AIFM2: variants seen among roughly 807,000 people sequenced by gnomAD.
AIFM2 encodes the protein ferroptosis suppressor protein 1.
In AIFM2, 38 loss-of-function variants were observed where a neutral mutation model predicts 35.7. That is an observed-to-expected ratio of 1.06 (90% CI 0.82 to 1.39). The LOEUF (loss-of-function observed/expected upper bound fraction) is 1.39, where lower values mean the gene tolerates loss of function less well. Among genes scored for constraint, AIFM2 ranks in the 40% most tolerant of loss-of-function variants. The pLI, the probability that AIFM2 is intolerant of heterozygous loss-of-function variation, is 0.00. For missense variants in AIFM2, 476 were observed against 491.2 expected (o/e 0.97, Z 0.29); for synonymous variants, 185 against 203.5 (o/e 0.91, Z 0.77).
intron 3 of AIFM2, 108 bp downstream of exon 3, chr10:70,123,297 G>A (rs966002719): frequency 1.1e-6 from 1 of 927,600 alleles, no homozygotes; most frequent in Non-Finnish European, 1.6e-6. Flanking sequence ...GAGATTACAG[G>A]TGTGAGCCAC....
At chr10:70,116,382 C>T (rs2072435909) in intron 7 of AIFM2, among the ~76,000 whole-genome samples, 4 of 152,228 alleles carry the variant, frequency 2.6e-5, no homozygotes. Flanking sequence ...TCTCTTACCA[C>T]TAGGGGGCGG....
At chr10:70,115,701 G>A (rs1490420275) in intron 7 of AIFM2, among the ~76,000 whole-genome samples, 1 of 152,194 alleles carries the variant, frequency 6.6e-6, no homozygotes, top group African/African-American at 2.4e-5. Flanking sequence ...AGGAGGTGGA[G>A]GTTGCAGTGA....
intron 7 of AIFM2, among the ~76,000 whole-genome samples, chr10:70,116,135 C>G (rs2072432781): frequency 6.6e-6 from 1 of 152,202 alleles, no homozygotes; most frequent in Non-Finnish European, 1.5e-5. Flanking sequence ...CATCAGTCCA[C>G]CTCTGCCACC....
intron 4 of AIFM2, 149 bp downstream of exon 4, chr10:70,120,943 G>T: frequency 7.2e-7 from 1 of 1,380,618 alleles, no homozygotes; most frequent in Non-Finnish European, 9.7e-7. Context: ...TCTCTTCCCA[G>T]GAAAGTCTCT....
In AIFM2 at chr10:70,117,964, T is replaced by G. The variant is rs1397729492; in HGVS notation, c.508-44A>C. The G allele has an allele frequency of 7.0e-7, 1 of 1,418,998 alleles. No individual in the cohort carries two copies. The highest frequency in any genetic ancestry group is 9.9e-7 in the Non-Finnish European group (1 of 1,011,454). The allele number at this position is 1,418,998 out of a possible 1,614,324, so 87.9% of individuals were successfully genotyped here. A position where few individuals can be genotyped will look rare whatever the true frequency, so the allele number is the denominator to read the frequency against. On this transcript the variant is annotated intron_variant, in intron 5 of 8. Transcript: ENST00000307864. This position sits in a 1 kb window ranked among gnomAD's most constrained non-coding sequence, Gnocchi z 4.7. The stretch of plus-strand genomic sequence containing the variant: ...CAGGGCCTGAGAAGGAGCCCCCAAG[T>G]CTTCAAACACAATCATTGCACGAAC...
chr10:70,116,886 G>T, intron 6 of AIFM2, 112 bp from the exon 7 acceptor site: 1 of 1,294,702 alleles, frequency 7.7e-7, no homozygotes, highest in Non-Finnish European at 1.1e-6. Context: ...GCCCAACTGG[G>T]CAATGGCTGC....
rs184780870 is a variant in AIFM2 at position 70,128,906 on chromosome 10, T to C, written c.-14+3828A>G. ...ATGTTTTCAAGGTTCATCCAAGTTG[T>C]AGCATGGATCAGTGCTTCATACCAC... On this transcript the variant is annotated intron_variant, in intron 1 of 8. Coordinates refer to ENST00000307864, the MANE Select transcript of AIFM2 (RefSeq NM_032797.6). Among the ~76,000 whole-genome samples, 28 of 152,254 alleles carry C rather than the reference T, an allele frequency of 1.8e-4. 1 individual carries two copies. The East Asian group carries it at 5.4e-3, about 29-fold the overall frequency.
In AIFM2 at chr10:70,117,063, T is replaced by C. The variant is rs6480440; in HGVS notation, c.617-289A>G. Reference sequence around the variant, plus strand: ...CTCAGAAAAGCTGTTTAATGGAAGATCTCAGACGCGCCTCTTATGAGTGCC... The same window carrying C: ...CTCAGAAAAGCTGTTTAATGGAAGACCTCAGACGCGCCTCTTATGAGTGCC... On this transcript the variant is annotated intron_variant, in intron 6 of 8. Coordinates refer to ENST00000307864, the MANE Select transcript of AIFM2 (RefSeq NM_032797.6). This position sits in a 1 kb window ranked among gnomAD's most constrained non-coding sequence, Gnocchi z 4.7. Among the ~76,000 whole-genome samples, 60,724 of 152,174 alleles carry C rather than the reference T, an allele frequency of 0.4. 14,841 individuals are homozygous for C. The highest frequency in any genetic ancestry group is 0.67 in the African/African-American group (27,808 of 41,534).
At position 70,114,212 on chromosome 10, in the gene AIFM2, G is replaced by T. The variant is rs146783519; in HGVS notation, c.1088C>A (p.Thr363Lys). The change falls in exon 9 of 9, where the codon ACG (threonine) becomes AAG (lysine). Residue 363 changes from threonine to lysine, a missense_variant. Coordinates refer to ENST00000307864, the MANE Select transcript of AIFM2 (RefSeq NM_032797.6). ...LTKSRDLFVS[T>K]SWKTMRQSPP ...AGACTGCCTCATGGTTTTCCAGCTCGTAGAGACGAACAGGTCCCGGCTCTT... is the reference window on the plus strand; with the variant it reads ...AGACTGCCTCATGGTTTTCCAGCTCTTAGAGACGAACAGGTCCCGGCTCTT... The T allele has an allele frequency of 6.2e-7, 1 of 1,613,694 alleles. No individual in the cohort carries two copies. The highest frequency in any genetic ancestry group is 1.3e-5 in the African/African-American group (1 of 74,970).
At chr10:70,119,306 G>C (rs940229346) in intron 5 of AIFM2, among the ~76,000 whole-genome samples, 6 of 152,192 alleles carry the variant, frequency 3.9e-5, no homozygotes, top group African/African-American at 1.4e-4. Context: ...CCCAAGGAGA[G>C]AGTCATGAGA....
chr10:70,128,714 G>C (rs1180603424), intron 1 of AIFM2, among the ~76,000 whole-genome samples: 1 of 152,172 alleles, frequency 6.6e-6, no homozygotes, highest in African/African-American at 2.4e-5. Context: ...GTCAGGCAAG[G>C]GCTGGGTGTG....
chr10:70,121,774 T>C (rs1404308529), intron 3 of AIFM2, among the ~76,000 whole-genome samples: 1 of 150,546 alleles, frequency 6.6e-6, no homozygotes, highest in African/African-American at 2.4e-5. Flanking sequence ...TAAAAAATAA[T>C]TTAATTTTTT....
At chr10:70,123,832 C>T in intron 2 of AIFM2, 75 bp downstream of exon 2, 1 of 1,427,452 alleles carries the variant, frequency 7.0e-7, no homozygotes, top group Non-Finnish European at 9.3e-7. Context: ...AAAACCACCC[C>T]CAGCCCTAAA....
In AIFM2 at chr10:70,112,562, A is replaced by T. The variant is rs1212624567; in HGVS notation, c.*1616T>A. The T allele has an allele frequency of 6.6e-6, 1 of 152,158 alleles. No individual in the cohort carries two copies. The highest frequency in any genetic ancestry group is 1.5e-5 in the Non-Finnish European group (1 of 68,074). The allele number at this position is 152,158 out of a possible 1,614,324, so 9.4% of individuals were successfully genotyped here. On this transcript the variant is annotated 3_prime_UTR_variant, in exon 9 of 9. Coordinates refer to ENST00000307864, the MANE Select transcript of AIFM2 (RefSeq NM_032797.6). The stretch of plus-strand genomic sequence containing the variant: ...ATCCTCCAATAGAGGCACACGACTC[A>T]CTTAGGCCTGGGCGACAGCCCCAAC...
intron 1 of AIFM2, among the ~76,000 whole-genome samples, chr10:70,129,379 T>C (rs963385230): frequency 9.2e-5 from 14 of 152,020 alleles, no homozygotes; most frequent in African/African-American, 3.4e-4. Context: ...ATATAAAATA[T>C]ATGTTGCAGA....
chr10:70,128,469 C>T (rs1176545719), intron 1 of AIFM2, among the ~76,000 whole-genome samples: 2 of 152,230 alleles, frequency 1.3e-5, no homozygotes, highest in African/African-American at 4.8e-5. Flanking sequence ...AGCAATTCTC[C>T]TGCCTCAGCC....
intron 1 of AIFM2, among the ~76,000 whole-genome samples, chr10:70,129,126 A>ATT (rs35700120): frequency 1.1e-4 from 15 of 133,898 alleles, no homozygotes; most frequent in Non-Finnish European, 1.9e-4. Flanking sequence ...GAGCTGGCTA[A>ATT]TTTTTTTTTT....
rs2072419712 is a variant in AIFM2 at position 70,115,001 on chromosome 10, G to A, written c.889C>T (p.Leu297Phe). ...GCGATGTTGGCGTGGAGGCCGGCAAGATAGGCCATCTTGGGCGTCCTCACG... is the reference window on the plus strand; with the variant it reads ...GCGATGTTGGCGTGGAGGCCGGCAAAATAGGCCATCTTGGGCGTCCTCACG... ...ADVRTPKMAYLAGLHANIAVA... is the reference protein window; with the variant it reads ...ADVRTPKMAYFAGLHANIAVA... Residue 297 changes from leucine (L) to phenylalanine (F), a missense_variant, in exon 8 of 9, where the codon CTT becomes TTT. Coordinates refer to ENST00000307864, the MANE Select transcript of AIFM2 (RefSeq NM_032797.6). The A allele has an allele frequency of 2.5e-6, 4 of 1,614,106 alleles. No individual in the cohort carries two copies. The highest frequency in any genetic ancestry group is 2.7e-5 in the African/African-American group (2 of 74,964).
intron 5 of AIFM2, among the ~76,000 whole-genome samples, chr10:70,120,285 C>T (rs1481982967): frequency 1.3e-5 from 2 of 152,226 alleles, no homozygotes; most frequent in Middle Eastern, 3.2e-3. Context: ...TGAGAAAGGA[C>T]ACACCCTGAG....
Sources: gnomAD v4.1 joint callset for allele counts (sites outside exome capture counted in the v4.1 genomes callset) on GRCh38, gnomAD v4.1.1 for gene constraint, Gnocchi (gnomAD v3.1) non-coding constraint, MANE v1.5 for transcripts, NCBI Gene and HGNC (gene_info 2026-07-23, HGNC 2026-07-21) for gene names.